Variants in GLIS1 observed in about 807,000 individuals in gnomAD.
GLIS1 encodes GLIS family zinc finger 1.
GLIS1 carries 24 observed loss-of-function variants against 63.8 expected under a neutral mutation model. The ratio of observed to expected loss-of-function variants is 0.38; its 90% CI spans 0.27 to 0.53. GLIS1 has a LOEUF of 0.53. Among genes scored for constraint, GLIS1 ranks in the 20% least tolerant of loss-of-function variants. The probability of loss-of-function intolerance (pLI) is 0.85; values close to 1 mark genes in which losing one functional copy is unlikely to be tolerated. For missense variants in GLIS1, 1,036 were observed against 1,074.1 expected, an observed-to-expected ratio of 0.96 and a Z score of 0.50; for synonymous variants, 450 against 482.5, an observed-to-expected ratio of 0.93 and a Z score of 0.88.
rs71722107 is a variant in GLIS1 at position 53,539,280 on chromosome 1, T to TCACACA, written c.1321-9334_1321-9329dup. ...CACACACCAAGACCCAGAAACTCCCTCACACACACACACACACACTACACC... is the reference window on the plus strand; with the variant it reads ...CACACACCAAGACCCAGAAACTCCCTCACACACACACACACACACACACACTACACC... On this transcript the variant is annotated intron_variant, in intron 4 of 10. Transcript: ENST00000628545. The surrounding 1 kb of genome is among the most constrained non-coding windows in gnomAD (Gnocchi z 5.0). Among the ~76,000 whole-genome samples, 9 of 147,982 alleles carry TCACACA rather than the reference T, an allele frequency of 6.1e-5. No individual in the cohort carries two copies. The highest frequency in any genetic ancestry group is 2.3e-4 in the African/African-American group (9 of 39,600).
intron 2 of GLIS1, among the ~76,000 whole-genome samples, chr1:53,655,606 T>A (rs939676227): frequency 6.6e-6 from 1 of 152,098 alleles, no homozygotes; most frequent in Non-Finnish European, 1.5e-5. Flanking sequence ...CAGATAAGAA[T>A]CGCATTCTAA....
intron 2 of GLIS1, among the ~76,000 whole-genome samples, chr1:53,601,742 C>T (rs182653171): frequency 8.5e-5 from 13 of 152,326 alleles, no homozygotes; most frequent in Admixed American, 2.0e-4. Flanking sequence ...CCAAACCCCA[C>T]GTCTTAATCG....
At chr1:53,621,872 G>A (rs1002768681) in intron 2 of GLIS1, among the ~76,000 whole-genome samples, 13 of 151,896 alleles carry the variant, frequency 8.6e-5, no homozygotes, top group African/African-American at 2.9e-4. Context: ...GTGCAGTGGT[G>A]CAATCTCCGC....
chr1:53,550,691 A>G (rs1644749287), intron 4 of GLIS1, among the ~76,000 whole-genome samples: 2 of 152,186 alleles, frequency 1.3e-5, no homozygotes, highest in South Asian at 4.2e-4. Context: ...GCAATGGCAG[A>G]TTTCTTAGTC....
Position 53,511,175 on chromosome 1 carries a change from G to C in GLIS1, c.1884-1148C>G, listed in dbSNP as rs1427561567. On this transcript the variant is annotated intron_variant, in intron 8 of 10. Transcript: ENST00000628545. This position sits in a 1 kb window ranked among gnomAD's most constrained non-coding sequence, Gnocchi z 4.2. ...TTTATGTACATGGCAGAAAGAGGGAGATAGTGAGAGCTCGGAGTCCCCATT... is the reference window on the plus strand; with the variant it reads ...TTTATGTACATGGCAGAAAGAGGGACATAGTGAGAGCTCGGAGTCCCCATT... 6.6e-6 allele frequency among the ~76,000 whole-genome samples: 1 copy of C among 152,260 alleles called. No individual in the cohort carries two copies. The highest frequency in any genetic ancestry group is 1.5e-5 in the Non-Finnish European group (1 of 68,052).
chr1:53,622,049 G>T (rs896623269), intron 2 of GLIS1, among the ~76,000 whole-genome samples: 2 of 152,076 alleles, frequency 1.3e-5, no homozygotes, highest in Admixed American at 1.3e-4. Context: ...GCCTCCCAAA[G>T]TGCTGGGATT....
chr1:53,681,928 T>C (rs1215658406), intron 2 of GLIS1, among the ~76,000 whole-genome samples: 2 of 152,142 alleles, frequency 1.3e-5, no homozygotes, highest in East Asian at 3.8e-4. Context: ...CTTTGACTGC[T>C]TCCCCTCCCT....
chr1:53,623,527 G>T (rs758407753), intron 2 of GLIS1, among the ~76,000 whole-genome samples: 7 of 152,138 alleles, frequency 4.6e-5, no homozygotes, highest in Non-Finnish European at 1.0e-4. Context: ...ATTATTATTA[G>T]ATGTCTTAGC....
At chr1:53,614,516 G>A (rs369732776) in intron 2 of GLIS1, among the ~76,000 whole-genome samples, 2 of 152,262 alleles carry the variant, frequency 1.3e-5, no homozygotes, top group Admixed American at 6.5e-5. Flanking sequence ...TGGGGGCTGC[G>A]GTGAGGATGC....
chr1:53,691,974 G>A (rs1222561990), intron 2 of GLIS1, among the ~76,000 whole-genome samples: 15 of 152,130 alleles, frequency 9.9e-5, no homozygotes, highest in Admixed American at 9.8e-4. Flanking sequence ...AGTCGTGGAG[G>A]AGCGGGGAGT....
rs1645222998 is a variant in GLIS1 at position 53,594,177 on chromosome 1, G to A, written c.1251C>T (p.Pro417=). Residue 417 remains proline, a synonymous_variant, in exon 4 of 11, where the codon CCC becomes CCT. Transcript: ENST00000628545. ...FWAGCVRRYK[P]FNARYKLLIH... ...TGAGCAGCTTGTAGCGGGCGTTGAA[G>A]GGCTTGTAGCGGCGCACGCAGCCAG... The A allele has an allele frequency of 6.2e-7, 1 of 1,613,978 alleles. No homozygotes were observed. Among genetic ancestry groups the A allele is most frequent in the Non-Finnish European group, 8.5e-7 (1 of 1,179,904 alleles).
In GLIS1 at chr1:53,646,383, C is replaced by A. The variant is rs562647882; in HGVS notation, c.260-46105G>T. Among the ~76,000 whole-genome samples, 1 of 152,272 alleles carries A rather than the reference C, an allele frequency of 6.6e-6. No individual in the cohort carries two copies. The highest frequency in any genetic ancestry group is 2.4e-5 in the African/African-American group (1 of 41,558). On this transcript the variant is annotated intron_variant, in intron 2 of 10. Coordinates refer to ENST00000628545, the MANE Select transcript of GLIS1 (RefSeq NM_001367484.1). The surrounding 1 kb of genome is among the most constrained non-coding windows in gnomAD (Gnocchi z 4.2). ...GGTCAGTAGATATAACAGGAACACT[C>A]AAAACTCAATTATATACTTATCTAC...
chr1:53,531,508 C>G (rs767524891), intron 4 of GLIS1, among the ~76,000 whole-genome samples: 7 of 152,196 alleles, frequency 4.6e-5, no homozygotes, highest in Non-Finnish European at 1.0e-4. Context: ...ATGGCCTTGG[C>G]TCAAGGCTGT....
chr1:53,667,420 G>A (rs1227750209), intron 2 of GLIS1, among the ~76,000 whole-genome samples: 1 of 152,222 alleles, frequency 6.6e-6, no homozygotes, highest in Admixed American at 6.5e-5. Context: ...CACCAGGGCA[G>A]TGCATCCCCA....
intron 2 of GLIS1, among the ~76,000 whole-genome samples, chr1:53,716,104 A>T (rs77044923): frequency 0.012 from 1,879 of 152,236 alleles, 31 homozygotes; most frequent in African/African-American, 0.043. Context: ...GAGGAGAGGC[A>T]TTGCCAGCTC....
In GLIS1 at chr1:53,635,592, A is replaced by G. The variant is rs1327701299; in HGVS notation, c.260-35314T>C. On this transcript the variant is annotated intron_variant, in intron 2 of 10. Transcript: ENST00000628545. Reference sequence around the variant, plus strand: ...AAGTAGCAAGAGAAACTATAAAGGCAAAAGTCAGCAATATAGAAAATATAT... The same window carrying G: ...AAGTAGCAAGAGAAACTATAAAGGCGAAAGTCAGCAATATAGAAAATATAT... Among the ~76,000 whole-genome samples the G allele has an allele frequency of 2.0e-5, 3 of 152,134 alleles. No homozygotes were observed. The East Asian group carries it at 5.8e-4, about 29-fold the overall frequency.
In GLIS1 at chr1:53,639,065, A is replaced by T. The variant is rs1181153255; in HGVS notation, c.260-38787T>A. 6.6e-6 allele frequency among the ~76,000 whole-genome samples: 1 copy of T among 152,198 alleles called. No individual in the cohort carries two copies. The highest frequency in any genetic ancestry group is 2.4e-5 in the African/African-American group (1 of 41,446). On this transcript the variant is annotated intron_variant, in intron 2 of 10. Coordinates refer to ENST00000628545, the MANE Select transcript of GLIS1 (RefSeq NM_001367484.1). This position sits in a 1 kb window ranked among gnomAD's most constrained non-coding sequence, Gnocchi z 4.6. ...GCCCCTGAATCAAAGGATTGAAACTAGGATCTGCCACTGGTTAACTGTGTG... is the reference window on the plus strand; with the variant it reads ...GCCCCTGAATCAAAGGATTGAAACTTGGATCTGCCACTGGTTAACTGTGTG...
At chr1:53,582,361 G>C (rs1408190267) in intron 4 of GLIS1, among the ~76,000 whole-genome samples, 1 of 152,196 alleles carries the variant, frequency 6.6e-6, no homozygotes, top group Admixed American at 6.5e-5. Context: ...ATTTGAAACT[G>C]GTTAAAGTCT....
chr1:53,728,940 T>C (rs1646831783), intron 2 of GLIS1, among the ~76,000 whole-genome samples: 1 of 152,206 alleles, frequency 6.6e-6, no homozygotes, highest in Admixed American at 6.5e-5. Flanking sequence ...TTAAAGCATG[T>C]ACCAAGAACT....
Sources: allele counts gnomAD v4.1 joint callset (sites outside exome capture counted in the v4.1 genomes callset), GRCh38; gene constraint gnomAD v4.1.1; non-coding constraint Gnocchi (gnomAD v3.1); transcripts MANE v1.5; gene names NCBI Gene and HGNC (gene_info 2026-07-23, HGNC 2026-07-21).